The following SHISAL1 variants were observed in gnomAD, a reference collection of about 807,000 sequenced individuals.
SHISAL1 encodes the protein protein shisa-like-1.
A neutral mutation model predicts 22.6 loss-of-function variants in SHISAL1; 9 were observed. The ratio of observed to expected loss-of-function variants is 0.40; its 90% CI spans 0.24 to 0.70. The LOEUF (loss-of-function observed/expected upper bound fraction) is 0.70. Among genes scored for constraint, SHISAL1 ranks in the 30% least tolerant of loss-of-function variants. SHISAL1 has a pLI of 0.39. For missense variants in SHISAL1, 246 were observed against 270.6 expected, an observed-to-expected ratio of 0.91 and a Z score of 0.64; for synonymous variants, 119 against 115.4, an observed-to-expected ratio of 1.03 and a Z score of -0.20.
At chr22:44,323,676 CA>C in the SHISAL1 span, among the ~76,000 whole-genome samples, 194 of 151,168 alleles carry the variant, frequency 1.3e-3, 6 homozygotes, top group East Asian at 0.032. Flanking sequence ...TCCATCCATC[CA>C]TCCATCCATC....
At chr22:44,258,791 T>C (rs940755245) in intron 4 of SHISAL1, among the ~76,000 whole-genome samples, 1 of 152,208 alleles carries the variant, frequency 6.6e-6, no homozygotes, top group African/African-American at 2.4e-5. Flanking sequence ...AGAAATACTA[T>C]ACATGAAAAG....
chr22:44,305,881 A>T (rs1052201279), intron 1 of SHISAL1, among the ~76,000 whole-genome samples: 6 of 152,060 alleles, frequency 3.9e-5, no homozygotes, highest in Non-Finnish European at 7.4e-5. Context: ...GGTCTGGGGG[A>T]TTCTGCATGA....
At chr22:44,286,667 G>C (rs1158267155) in intron 3 of SHISAL1, among the ~76,000 whole-genome samples, 1 of 152,142 alleles carries the variant, frequency 6.6e-6, no homozygotes, top group African/African-American at 2.4e-5. Context: ...CTGGCCCACA[G>C]CCCTGAGTTT....
upstream of SHISAL1, among the ~76,000 whole-genome samples, chr22:44,317,792 C>T (rs932109915): frequency 6.6e-6 from 1 of 152,246 alleles, no homozygotes; most frequent in Non-Finnish European, 1.5e-5. Flanking sequence ...CGTCCTCCCC[C>T]GCAGCATAGC....
At chr22:44,320,335 C>T in the SHISAL1 span, among the ~76,000 whole-genome samples, 1 of 152,002 alleles carries the variant, frequency 6.6e-6, no homozygotes, top group Admixed American at 6.5e-5. Context: ...CCCTCTGAGA[C>T]CCCCTATTGC....
intron 1 of SHISAL1, among the ~76,000 whole-genome samples, chr22:44,301,557 T>C (rs944712752): frequency 2.6e-5 from 4 of 152,120 alleles, no homozygotes; most frequent in South Asian, 2.1e-4. Context: ...TCTGAGTACA[T>C]ATCCCAAGGC....
At position 44,291,614 on chromosome 22, in the gene SHISAL1, G is replaced by A. The variant is rs577682613; in HGVS notation, c.281+5058C>T. On this transcript the variant is annotated intron_variant, in intron 3 of 4. Transcript: ENST00000381176. ...ACGCGTGGCCAAGGGAGGGACCACC[G>A]TCCATGCCTGCACATGCTAGGCCTT... Among the ~76,000 whole-genome samples the A allele has an allele frequency of 6.4e-4, 98 of 152,238 alleles. 1 individual carries two copies. In the Middle Eastern group the frequency reaches 0.02, roughly 32 times the overall value.
At chr22:44,303,316 C>T (rs577152787) in intron 1 of SHISAL1, among the ~76,000 whole-genome samples, 21 of 152,120 alleles carry the variant, frequency 1.4e-4, no homozygotes, top group Middle Eastern at 6.9e-3. Context: ...AGAAGGTTGA[C>T]GCTGTTTGGA....
At chr22:44,311,875 T>A (rs2055521307) in intron 1 of SHISAL1, among the ~76,000 whole-genome samples, 1 of 152,190 alleles carries the variant, frequency 6.6e-6, no homozygotes, top group African/African-American at 2.4e-5. Flanking sequence ...TCCTCCTGAG[T>A]TATTTGGTTG....
intron 1 of SHISAL1, among the ~76,000 whole-genome samples, chr22:44,303,311 G>T (rs1184473968): frequency 1.3e-5 from 2 of 152,104 alleles, no homozygotes; most frequent in African/African-American, 4.8e-5. Context: ...GACTCAGAAG[G>T]TTGACGCTGT....
chr22:44,320,048 C>G, the SHISAL1 span, among the ~76,000 whole-genome samples: 1 of 152,174 alleles, frequency 6.6e-6, no homozygotes, highest in African/African-American at 2.4e-5. Flanking sequence ...TTCCTTCCCC[C>G]GTCCCTTTCT....
chr22:44,293,033 C>T lies in SHISAL1; in HGVS notation c.281+3639G>A, dbSNP rs561939886. ...ACCCTATCCCCTGGGCTAGACAGGG[C>T]CCCGGACCCCCTGCCTCCACCAGCT... On this transcript the variant is annotated intron_variant, in intron 3 of 4. Coordinates refer to ENST00000381176, the MANE Select transcript of SHISAL1 (RefSeq NM_001099294.2). Among the ~76,000 whole-genome samples the T allele has an allele frequency of 4.7e-3, 525 of 111,648 alleles. 7 individuals are homozygous for T. The highest frequency in any genetic ancestry group is 0.016 in the African/African-American group (501 of 32,304). The allele number at this position is 111,648 out of a possible 152,430, so 73.2% of individuals were successfully genotyped here.
At chr22:44,319,943 C>T in the SHISAL1 span, among the ~76,000 whole-genome samples, 16 of 152,008 alleles carry the variant, frequency 1.1e-4, no homozygotes, top group Non-Finnish European at 1.8e-4. Flanking sequence ...AATCAGGTCT[C>T]GAGGGTGATG....
At chr22:44,278,639 C>A in intron 4 of SHISAL1, among the ~76,000 whole-genome samples, 1 of 152,166 alleles carries the variant, frequency 6.6e-6, no homozygotes, top group East Asian at 1.9e-4. Context: ...CCCCCCTGAA[C>A]CTTTGGGGGT....
rs1244656621 is a variant in SHISAL1 at position 44,245,181 on chromosome 22, C to T, written c.*4504G>A. The T allele has an allele frequency of 6.6e-6, 1 of 152,258 alleles. No homozygotes were observed. The highest frequency in any genetic ancestry group is 1.5e-5 in the Non-Finnish European group (1 of 68,068). The allele number at this position is 152,258 out of a possible 1,614,324, so 9.4% of individuals were successfully genotyped here. ...ATTAAGAATTCCTGCAGTTTGCTTC[C>T]ATGATTCCAACCCTAGATTTTCACA... On this transcript the variant is annotated 3_prime_UTR_variant, in exon 5 of 5. Coordinates refer to ENST00000381176, the MANE Select transcript of SHISAL1 (RefSeq NM_001099294.2).
At chr22:44,268,831 G>C (rs1312683562) in intron 4 of SHISAL1, among the ~76,000 whole-genome samples, 2 of 152,148 alleles carry the variant, frequency 1.3e-5, no homozygotes, top group East Asian at 3.8e-4. Context: ...TGTATCCCCA[G>C]TCCTGGCCTG....
intron 4 of SHISAL1, among the ~76,000 whole-genome samples, chr22:44,259,933 G>A (rs2055110361): frequency 6.6e-6 from 1 of 152,138 alleles, no homozygotes; most frequent in Non-Finnish European, 1.5e-5. Context: ...TCTAACTACA[G>A]GTCGATTTGT....
chr22:44,268,154 T>C (rs2055177976), intron 4 of SHISAL1, among the ~76,000 whole-genome samples: 1 of 152,216 alleles, frequency 6.6e-6, no homozygotes, highest in South Asian at 2.1e-4. Flanking sequence ...TGGTAAAGGT[T>C]AATTTTTAAT....
the SHISAL1 span, among the ~76,000 whole-genome samples, chr22:44,327,760 T>C: frequency 1.3e-5 from 2 of 152,058 alleles, no homozygotes; most frequent in African/African-American, 4.8e-5. Context: ...GACCAGCGCC[T>C]ATGGAATGGG....
Sources: allele counts gnomAD v4.1 joint callset (sites outside exome capture counted in the v4.1 genomes callset), GRCh38; gene constraint gnomAD v4.1.1; transcripts MANE v1.5; gene names NCBI Gene and HGNC (gene_info 2026-07-23, HGNC 2026-07-21).